Variants in KCNE2 observed in about 807,000 individuals in gnomAD.
KCNE2 encodes the protein potassium voltage-gated channel subfamily E member 2.
In KCNE2, 4 loss-of-function variants were observed where a neutral mutation model predicts 4.5. That is an observed-to-expected ratio of 0.89 (90% CI 0.44 to 2.03). The LOEUF (loss-of-function observed/expected upper bound fraction) is 2.03. KCNE2 is among the 30% of genes most tolerant of loss of function. The probability of loss-of-function intolerance (pLI) is 0.03; values close to 1 mark genes in which losing one functional copy is unlikely to be tolerated. For synonymous variants in KCNE2, 57 were observed against 55.9 expected (o/e 1.02, Z -0.09); for missense variants, 137 against 151.4 (o/e 0.90, Z 0.50).
intron 1 of KCNE2, among the ~76,000 whole-genome samples, chr21:34,369,375 C>T (rs1298011465): frequency 1.3e-5 from 2 of 152,036 alleles, no homozygotes; most frequent in African/African-American, 2.4e-5. Flanking sequence ...TGTGTTGAAA[C>T]CCCGTCTCTA....
rs781775671 is a variant in KCNE2, at chr21:34,368,229, A to ACACACTATATCTATATCTATATCT, written c.-12-2238_-12-2237insCACACTATATCTATATCTATATCT. Among the ~76,000 whole-genome samples, 27 of 84,796 alleles carry ACACACTATATCTATATCTATATCT rather than the reference A, an allele frequency of 3.2e-4. 1 individual carries two copies. Among genetic ancestry groups the ACACACTATATCTATATCTATATCT allele is most frequent in the African/African-American group, 1.6e-3 (27 of 16,668 alleles). 55.6% of individuals were successfully genotyped at this position (84,796 alleles called of 152,430 possible). ...CACACACACACACACACACACACAC[A>ACACACTATATCTATATCTATATCT]ATATATATATATATATATATATATA... On this transcript the variant is annotated intron_variant, in intron 1 of 1. Coordinates refer to ENST00000290310, the MANE Select transcript of KCNE2 (RefSeq NM_172201.2).
rs1314385853 is a variant in KCNE2, at chr21:34,370,871, C to G, written c.*21C>G. On this transcript the variant is annotated 3_prime_UTR_variant, in exon 2 of 2. Coordinates refer to ENST00000290310, the MANE Select transcript of KCNE2 (RefSeq NM_172201.2). ...CCTGATAAGGGAGAAAGGCACCAAG[C>G]TAACATCTGACGTCCAGACATGAAG... The G allele has an allele frequency of 6.2e-7, 1 of 1,613,164 alleles. No homozygotes were observed. The highest frequency in any genetic ancestry group is 8.5e-7 in the Non-Finnish European group (1 of 1,180,024).
At chr21:34,369,081 G>C (rs1979468441) in intron 1 of KCNE2, among the ~76,000 whole-genome samples, 1 of 152,156 alleles carries the variant, frequency 6.6e-6, no homozygotes, top group Non-Finnish European at 1.5e-5. Context: ...TTACTGACAG[G>C]GAGGGAAGAT....
chr21:34,369,290 A>G (rs1169335677), intron 1 of KCNE2, among the ~76,000 whole-genome samples: 1 of 152,122 alleles, frequency 6.6e-6, no homozygotes, highest in African/African-American at 2.4e-5. Flanking sequence ...TGGCTGACAC[A>G]TGTAATCCCA....
At chr21:34,367,292 A>G (rs568197796) in intron 1 of KCNE2, among the ~76,000 whole-genome samples, 16 of 151,918 alleles carry the variant, frequency 1.1e-4, no homozygotes, top group Middle Eastern at 6.8e-3. Context: ...CTACTTTTTT[A>G]TTTTAAAAAA....
chr21:34,367,811 C>T (rs980609451), intron 1 of KCNE2, among the ~76,000 whole-genome samples: 4 of 152,172 alleles, frequency 2.6e-5, no homozygotes, highest in African/African-American at 9.7e-5. Context: ...GGCAAACCCA[C>T]TGCTGGGATC....
At chr21:34,369,318 G>A (rs1053569941) in intron 1 of KCNE2, among the ~76,000 whole-genome samples, 2 of 152,170 alleles carry the variant, frequency 1.3e-5, no homozygotes, top group Non-Finnish European at 2.9e-5. Context: ...GGGAGGCTGA[G>A]GCGGGTGGAT....
rs1213881768 is a variant in KCNE2 at position 34,370,538 on chromosome 21, T to C, written c.60T>C (p.Ile20=). The C allele has an allele frequency of 1.9e-6, 3 of 1,614,090 alleles. No homozygotes were observed. Among genetic ancestry groups the C allele is most frequent in the Non-Finnish European group, 2.5e-6 (3 of 1,180,052 alleles). Residue 20 remains isoleucine, a synonymous_variant, in exon 2 of 2, where the codon ATT becomes ATC. Coordinates refer to ENST00000290310, the MANE Select transcript of KCNE2 (RefSeq NM_172201.2). ...TLEDVFRRIF[I]TYMDNWRQNT... ...AAGACGTCTTCCGAAGGATTTTTAT[T>C]ACTTATATGGACAATTGGCGCCAGA...
chr21:34,369,628 A>C (rs1979491778), intron 1 of KCNE2, among the ~76,000 whole-genome samples: 1 of 151,834 alleles, frequency 6.6e-6, no homozygotes, highest in Non-Finnish European at 1.5e-5. Context: ...GGCTCTGGGG[A>C]GGGTTGTGTT....
At chr21:34,368,248 ATATATATATATATGTATGT>A (rs1379172638) in intron 1 of KCNE2, among the ~76,000 whole-genome samples, 59 of 102,660 alleles carry the variant, frequency 5.7e-4, no homozygotes, top group African/African-American at 2.3e-3. Flanking sequence ...ATATATATAT[ATATATATATATATGTATGT>A]TATATATATG....
Position 34,370,577 on chromosome 21 carries a change from G to A in KCNE2, c.99G>A (p.Glu33=), listed in dbSNP as rs1979534972. The change falls in exon 2 of 2, where the codon GAG becomes GAA. Residue 33 remains glutamate, a synonymous_variant. Coordinates refer to ENST00000290310, the MANE Select transcript of KCNE2 (RefSeq NM_172201.2). Reference sequence around the variant, plus strand: ...ATTGGCGCCAGAACACAACAGCTGAGCAAGAGGCCCTCCAAGCCAAAGTTG... The same window carrying A: ...ATTGGCGCCAGAACACAACAGCTGAACAAGAGGCCCTCCAAGCCAAAGTTG... ...MDNWRQNTTA[E]QEALQAKVDA... 6.2e-7 allele frequency: 1 copy of A among 1,614,060 alleles called. No individual in the cohort carries two copies. The highest frequency in any genetic ancestry group is 1.1e-5 in the South Asian group (1 of 91,088).
At chr21:34,368,229 A>ACAATATATATATATATATATATAT (rs781775671) in intron 1 of KCNE2, among the ~76,000 whole-genome samples, 1 of 84,810 alleles carries the variant, frequency 1.2e-5, no homozygotes, top group African/African-American at 6.0e-5. Flanking sequence ...ACACACACAC[A>ACAATATATATATATATATATATAT]ATATATATAT....
rs1439240875 is a variant in KCNE2 at position 34,370,604 on chromosome 21, T to A, written c.126T>A (p.Asp42Glu). The A allele has an allele frequency of 2.5e-6, 4 of 1,614,220 alleles. No homozygotes were observed. In the Admixed American group the frequency reaches 6.7e-5, roughly 27 times the overall value. Reference sequence around the variant, plus strand: ...AAGAGGCCCTCCAAGCCAAAGTTGATGCTGAGAACTTCTACTATGTCATCC... The same window carrying A: ...AAGAGGCCCTCCAAGCCAAAGTTGAAGCTGAGAACTTCTACTATGTCATCC... ...AEQEALQAKV[D>E]AENFYYVILY... The change falls in exon 2 of 2, where the codon GAT (aspartate) becomes GAA (glutamate). Residue 42 changes from aspartate to glutamate, a missense_variant. Physicochemically the swap from Asp to Glu is conservative, Grantham distance 45. Transcript: ENST00000290310.
At chr21:34,366,988 A>G (rs1179854975) in intron 1 of KCNE2, among the ~76,000 whole-genome samples, 1 of 149,774 alleles carries the variant, frequency 6.7e-6, no homozygotes, top group African/African-American at 2.4e-5. Context: ...AAAAAAAAAA[A>G]AAAAAAAAAA....
intron 1 of KCNE2, among the ~76,000 whole-genome samples, chr21:34,368,262 G>A (rs28397247): frequency 0.093 from 5,061 of 54,352 alleles, 213 homozygotes; most frequent in African/African-American, 0.19. Context: ...ATATATATAT[G>A]TATGTTATAT....
rs1979551867 is a variant in KCNE2 at position 34,370,766 on chromosome 21, C to G, written c.288C>G (p.Tyr96Ter). Residue 96 changes from tyrosine to a stop codon, truncating the protein, a stop_gained, in exon 2 of 2, where the codon TAC (tyrosine) becomes TAG (stop). Transcript: ENST00000290310. LOFTEE classifies it low-confidence loss of function (END_TRUNC). ...QYIVEDWQEK[Y>*]KSQILNLEES... Reference sequence around the variant, plus strand: ...TTGTAGAGGACTGGCAGGAAAAGTACAAGAGCCAAATCTTGAATCTAGAAG... The same window carrying G: ...TTGTAGAGGACTGGCAGGAAAAGTAGAAGAGCCAAATCTTGAATCTAGAAG... 2 of 1,614,078 alleles carry G rather than the reference C, an allele frequency of 1.2e-6. No individual in the cohort carries two copies. The highest frequency in any genetic ancestry group is 1.7e-6 in the Non-Finnish European group (2 of 1,180,048).
chr21:34,369,570 T>C (rs1268538100), intron 1 of KCNE2, among the ~76,000 whole-genome samples: 1 of 151,834 alleles, frequency 6.6e-6, no homozygotes, highest in African/African-American at 2.4e-5. Context: ...AAAGGGCACA[T>C]TGATGGCTAT....
At chr21:34,365,611 G>A (rs1157465234) in intron 1 of KCNE2, among the ~76,000 whole-genome samples, 1 of 152,152 alleles carries the variant, frequency 6.6e-6, no homozygotes, top group South Asian at 2.1e-4. Flanking sequence ...GTTTTGTAGA[G>A]GTGGTGTCTC....
At chr21:34,368,461 G>A (rs1296467610) in intron 1 of KCNE2, among the ~76,000 whole-genome samples, 8 of 151,574 alleles carry the variant, frequency 5.3e-5, no homozygotes, top group African/African-American at 9.7e-5. Flanking sequence ...TTAGCCAGGC[G>A]TAGTGGCGGT....
Sources: gnomAD v4.1 joint callset for allele counts (sites outside exome capture counted in the v4.1 genomes callset) on GRCh38, gnomAD v4.1.1 for gene constraint, MANE v1.5 for transcripts, NCBI Gene and HGNC (gene_info 2026-07-23, HGNC 2026-07-21) for gene names.